The following KCNAB1 variants were observed in gnomAD, a reference collection of about 807,000 sequenced individuals.
The protein encoded by KCNAB1 is voltage-gated potassium channel subunit beta-1.
In KCNAB1, 35 loss-of-function variants were observed where a neutral mutation model predicts 64.6. The observed-to-expected ratio is 0.54, with a 90% CI of 0.41 to 0.72. KCNAB1 has a LOEUF of 0.72. Among genes scored for constraint, KCNAB1 ranks in the 30% least tolerant of loss-of-function variants. KCNAB1 has a pLI of 0.00. For missense variants in KCNAB1, 401 were observed against 512.9 expected, an observed-to-expected ratio of 0.78 and a Z score of 2.11; for synonymous variants, 177 against 183.8, an observed-to-expected ratio of 0.96 and a Z score of 0.30.
chr3:156,139,522 G>T (rs1714567855), intron 1 of KCNAB1, among the ~76,000 whole-genome samples: 1 of 147,838 alleles, frequency 6.8e-6, no homozygotes, highest in South Asian at 2.2e-4. Context: ...GCTACCATAA[G>T]TGATGTCACT....
At chr3:156,362,113 A>G (rs1169249986) in intron 1 of KCNAB1, among the ~76,000 whole-genome samples, 4 of 152,184 alleles carry the variant, frequency 2.6e-5, no homozygotes, top group East Asian at 1.9e-4. Flanking sequence ...ATATCCATCT[A>G]TATCTATATA....
At chr3:156,320,187 G>A (rs1397346593) in intron 1 of KCNAB1, among the ~76,000 whole-genome samples, 2 of 152,174 alleles carry the variant, frequency 1.3e-5, no homozygotes, top group African/African-American at 4.8e-5. Context: ...GAAAAATTTT[G>A]ATTTGTCAAT....
At chr3:156,444,863 G>A (rs1717285285) in intron 2 of KCNAB1, among the ~76,000 whole-genome samples, 1 of 152,228 alleles carries the variant, frequency 6.6e-6, no homozygotes, top group Non-Finnish European at 1.5e-5. Flanking sequence ...CCAGGGTGCA[G>A]GAGCATGTCT....
intron 1 of KCNAB1, among the ~76,000 whole-genome samples, chr3:156,372,430 C>A (rs1214607901): frequency 6.6e-6 from 1 of 152,244 alleles, no homozygotes; most frequent in Admixed American, 6.6e-5. Flanking sequence ...ATCAGAATCA[C>A]CTGGAAGCCT....
intron 1 of KCNAB1, among the ~76,000 whole-genome samples, chr3:156,282,744 CT>C (rs1719806144): frequency 7.5e-6 from 1 of 133,656 alleles, no homozygotes; most frequent in Non-Finnish European, 1.6e-5. Flanking sequence ...CTCTTTTGAT[CT>C]TTGTTGGTTT....
At chr3:156,280,758 G>C (rs1333461700) in intron 1 of KCNAB1, among the ~76,000 whole-genome samples, 3 of 151,812 alleles carry the variant, frequency 2.0e-5, no homozygotes, top group Non-Finnish European at 4.4e-5. Flanking sequence ...CTCATGATTT[G>C]GCTCTCTGTC....
chr3:156,418,987 C>G (rs979917619), intron 1 of KCNAB1, among the ~76,000 whole-genome samples: 12 of 152,118 alleles, frequency 7.9e-5, no homozygotes, highest in Admixed American at 3.3e-4. Flanking sequence ...CCATCTTGGG[C>G]GTTTAAACAG....
At chr3:156,402,224 G>C (rs1397060962) in intron 1 of KCNAB1, among the ~76,000 whole-genome samples, 2 of 151,594 alleles carry the variant, frequency 1.3e-5, no homozygotes, top group Admixed American at 1.3e-4. Context: ...AACAATCTTA[G>C]CGTTTCATAA....
chr3:156,299,179 T>C (rs1720991392), intron 1 of KCNAB1, among the ~76,000 whole-genome samples: 1 of 152,246 alleles, frequency 6.6e-6, no homozygotes, highest in African/African-American at 2.4e-5. Context: ...TTGCAGCTTC[T>C]TGGGTAGGCC....
At chr3:156,363,026 G>A (rs114791713) in intron 1 of KCNAB1, among the ~76,000 whole-genome samples, 2,026 of 152,266 alleles carry the variant, frequency 0.013, 17 homozygotes, top group South Asian at 0.031. Flanking sequence ...AAAGAGCAGC[G>A]GAAATGGCTT....
chr3:156,230,587 A>C (rs1456706428), intron 1 of KCNAB1, among the ~76,000 whole-genome samples: 1 of 152,228 alleles, frequency 6.6e-6, no homozygotes, highest in Non-Finnish European at 1.5e-5. Flanking sequence ...ATTAATAAAG[A>C]CAAGGAGCTT....
intron 1 of KCNAB1, among the ~76,000 whole-genome samples, chr3:156,214,284 G>A (rs768364785): frequency 2.6e-5 from 4 of 152,180 alleles, no homozygotes; most frequent in Non-Finnish European, 4.4e-5. Context: ...GGAAGTGTGA[G>A]TAGTCTGGGG....
chr3:156,210,273 A>G (rs947591039), intron 1 of KCNAB1, among the ~76,000 whole-genome samples: 14 of 152,152 alleles, frequency 9.2e-5, no homozygotes, highest in African/African-American at 3.4e-4. Flanking sequence ...TACTTGGGGT[A>G]CATTTCACTT....
intron 1 of KCNAB1, among the ~76,000 whole-genome samples, chr3:156,125,397 C>T (rs1030574322): frequency 6.6e-6 from 1 of 152,118 alleles, no homozygotes; most frequent in Non-Finnish European, 1.5e-5. Context: ...TTTGTGTGTC[C>T]TCACCAAAAG....
At chr3:156,273,556 G>T (rs1370438775) in intron 1 of KCNAB1, 2 of 456,448 alleles carry the variant, frequency 4.4e-6, no homozygotes, top group East Asian at 6.9e-5. Context: ...TAAGCACACA[G>T]ATGCTCTTTC....
intron 1 of KCNAB1, among the ~76,000 whole-genome samples, chr3:156,239,599 G>A (rs957538556): frequency 2.0e-5 from 3 of 152,172 alleles, no homozygotes; most frequent in African/African-American, 7.2e-5. Flanking sequence ...GGGCCTCTGG[G>A]AATGTCCAAC....
intron 8 of KCNAB1, among the ~76,000 whole-genome samples, chr3:156,498,531 C>T (rs562060245): frequency 3.6e-4 from 55 of 152,328 alleles, no homozygotes; most frequent in African/African-American, 1.0e-3. Flanking sequence ...ACTTGCTCCT[C>T]CATGTCTTCC....
chr3:156,524,610 G>A (rs536442174), intron 12 of KCNAB1, among the ~76,000 whole-genome samples: 375 of 152,064 alleles, frequency 2.5e-3, no homozygotes, highest in South Asian at 5.0e-3. Flanking sequence ...AGCCGGGCGT[G>A]GTGGTGGGTG....
chr3:156,127,322 T>G (rs7633081), intron 1 of KCNAB1, among the ~76,000 whole-genome samples: 92,355 of 152,112 alleles, frequency 0.61, 28,454 homozygotes, highest in Admixed American at 0.73. Flanking sequence ...TTTTCTAAAA[T>G]ATGATATCTA....
Sources: allele counts gnomAD v4.1 joint callset (sites outside exome capture counted in the v4.1 genomes callset), GRCh38; gene constraint gnomAD v4.1.1; transcripts MANE v1.5; gene names NCBI Gene and HGNC (gene_info 2026-07-23, HGNC 2026-07-21).